USP53: variants seen among roughly 807,000 people sequenced by gnomAD.
USP53 encodes the protein ubiquitin carboxyl-terminal hydrolase 53.
In USP53, 71 loss-of-function variants were observed where a neutral mutation model predicts 94.9. The ratio of observed to expected loss-of-function variants is 0.75; its 90% CI spans 0.62 to 0.91. The LOEUF is 0.91. Among genes scored for constraint, USP53 ranks in the 40% least tolerant of loss-of-function variants. USP53 has a pLI of 0.00. For missense variants in USP53, 1,173 were observed against 1,281.0 expected, an observed-to-expected ratio of 0.92 and a Z score of 1.29; for synonymous variants, 375 against 422.7, an observed-to-expected ratio of 0.89 and a Z score of 1.39.
At chr4:119,288,184 T>C (rs1159720005) in intron 17 of USP53, among the ~76,000 whole-genome samples, 1 of 152,224 alleles carries the variant, frequency 6.6e-6, no homozygotes, top group African/African-American at 2.4e-5. Context: ...AACTGAAACT[T>C]TCAAAATATT....
At chr4:119,240,628 T>C (rs1009843195) in intron 5 of USP53, among the ~76,000 whole-genome samples, 2 of 152,188 alleles carry the variant, frequency 1.3e-5, no homozygotes, top group African/African-American at 4.8e-5. Flanking sequence ...TCATATATAA[T>C]GATTCACTTT....
intron 4 of USP53, among the ~76,000 whole-genome samples, 195 bp from the exon 5 acceptor site, chr4:119,239,023 A>G (rs1747172438): frequency 6.6e-6 from 1 of 152,156 alleles, no homozygotes; most frequent in Non-Finnish European, 1.5e-5. Flanking sequence ...TAAGGTAGGT[A>G]GGGATTGATG....
At chr4:119,265,795 A>G (rs1237696882) in intron 12 of USP53, among the ~76,000 whole-genome samples, 1 of 152,188 alleles carries the variant, frequency 6.6e-6, no homozygotes, top group African/African-American at 2.4e-5. Context: ...ATTGTTCTTA[A>G]AAGTCCCCTT....
At chr4:119,259,077 T>A (rs1199803675) in intron 9 of USP53, among the ~76,000 whole-genome samples, 1 of 152,006 alleles carries the variant, frequency 6.6e-6, no homozygotes, top group Non-Finnish European at 1.5e-5. Flanking sequence ...GGTCAGGAGT[T>A]CAAGACCAGC....
At chr4:119,243,145 C>T (rs1389736954) in intron 5 of USP53, among the ~76,000 whole-genome samples, 1 of 152,134 alleles carries the variant, frequency 6.6e-6, no homozygotes, top group East Asian at 1.9e-4. Context: ...CTAATTAGTT[C>T]AATAACTATC....
At chr4:119,213,889 CA>C (rs893063684) in intron 1 of USP53, among the ~76,000 whole-genome samples, 180 bp from the exon 2 acceptor site, 1 of 110,422 alleles carries the variant, frequency 9.1e-6, no homozygotes, top group Non-Finnish European at 1.8e-5. Context: ...AACAAACAAA[CA>C]AAAAAACGCA....
At position 119,293,758 on chromosome 4, in the gene USP53, A is replaced by T. The variant is rs990922966; in HGVS notation, c.*547A>T. The T allele has an allele frequency of 6.6e-6, 1 of 152,208 alleles. No homozygotes were observed. The highest frequency in any genetic ancestry group is 1.5e-5 in the Non-Finnish European group (1 of 68,042). The allele number at this position is 152,208 out of a possible 1,614,324, so 9.4% of individuals were successfully genotyped here. On this transcript the variant is annotated 3_prime_UTR_variant, in exon 19 of 19. Transcript: ENST00000692078. ...AAGAAGCACTTTCTAATGGGTAACC[A>T]GAAAAGGGCTTCACCCATTTGTTTT...
intron 7 of USP53, 47 bp from the exon 8 acceptor site, chr4:119,256,199 T>C: frequency 7.1e-7 from 1 of 1,415,194 alleles, no homozygotes; most frequent in South Asian, 1.3e-5. Context: ...TTTGCTGTGT[T>C]CCCTGCAAGA....
chr4:119,269,708 G>T lies in USP53; in HGVS notation c.1306G>T (p.Asp436Tyr). Reference sequence around the variant, plus strand: ...TTTTACAGCTAAGTTAAGTCACATTGATCAAAGGGAAAAGATAAAAGACAT... The same window carrying T: ...TTTTACAGCTAAGTTAAGTCACATTTATCAAAGGGAAAAGATAAAAGACAT... Reference protein sequence around the residue: ...GKGPAKLSHIDQREKIKDISR... With the variant: ...GKGPAKLSHIYQREKIKDISR... The change falls in exon 15 of 19, where the codon GAT becomes TAT. Residue 436 changes from aspartate (D) to tyrosine (Y), a missense_variant. Physicochemically the swap from Asp to Tyr is radical, Grantham distance 160. Coordinates refer to ENST00000692078, the MANE Select transcript of USP53 (RefSeq NM_001371395.1). The T allele has an allele frequency of 1.4e-6, 2 of 1,474,766 alleles. No homozygotes were observed. Among genetic ancestry groups the T allele is most frequent in the South Asian group, 1.5e-5 (1 of 65,594 alleles). The allele number at this position is 1,474,766 out of a possible 1,614,324, so 91.4% of individuals were successfully genotyped here.
chr4:119,270,621 TCTTTA>T (rs1201026660), intron 15 of USP53, among the ~76,000 whole-genome samples: 1 of 152,186 alleles, frequency 6.6e-6, no homozygotes, highest in East Asian at 1.9e-4. Context: ...ACCTTCCCCC[TCTTTA>T]CTTAGTATTT....
chr4:119,252,586 T>C (rs1749174263), intron 7 of USP53, among the ~76,000 whole-genome samples: 1 of 152,314 alleles, frequency 6.6e-6, no homozygotes, highest in East Asian at 1.9e-4. Flanking sequence ...GATATCCCTT[T>C]ATGATTTTTT....
chr4:119,221,941 C>G (rs555966016), intron 3 of USP53, among the ~76,000 whole-genome samples: 19 of 152,226 alleles, frequency 1.2e-4, no homozygotes, highest in African/African-American at 4.6e-4. Flanking sequence ...TACAATAGCA[C>G]CTTGTGCTTC....
chr4:119,286,528 T>G (rs1754136980), intron 17 of USP53, among the ~76,000 whole-genome samples: 1 of 152,000 alleles, frequency 6.6e-6, no homozygotes, highest in Non-Finnish European at 1.5e-5. Flanking sequence ...ACCACTTGGT[T>G]GAATGCCTGC....
chr4:119,285,545 A>T (rs1754005954), intron 17 of USP53, among the ~76,000 whole-genome samples: 1 of 151,844 alleles, frequency 6.6e-6, no homozygotes, highest in Non-Finnish European at 1.5e-5. Context: ...AAATCTGTTA[A>T]GTCCCTTATT....
intron 4 of USP53, among the ~76,000 whole-genome samples, chr4:119,235,923 C>G (rs1746683179): frequency 1.3e-5 from 2 of 152,294 alleles, no homozygotes; most frequent in South Asian, 4.1e-4. Flanking sequence ...TTTGTTACTA[C>G]TTATCATGTA....
intron 12 of USP53, among the ~76,000 whole-genome samples, chr4:119,264,147 CCAAGACT>C (rs1750837434): frequency 1.3e-5 from 2 of 152,014 alleles, no homozygotes. Context: ...AATTCAATAC[CCAAGACT>C]ACAAAGTTCA....
At chr4:119,282,734 A>T (rs1303520773) in intron 17 of USP53, among the ~76,000 whole-genome samples, 9 of 151,958 alleles carry the variant, frequency 5.9e-5, no homozygotes, top group Non-Finnish European at 1.2e-4. Flanking sequence ...TTCCCAAATT[A>T]AAAACTTGCT....
chr4:119,291,141 T>C, intron 17 of USP53, 24 bp from the exon 18 acceptor site: 1 of 1,000,846 alleles, frequency 1.0e-6, no homozygotes, highest in South Asian at 1.8e-5. Context: ...CCTCATCTCT[T>C]CTCCCCACCC....
intron 17 of USP53, among the ~76,000 whole-genome samples, chr4:119,279,378 C>T (rs1448922068): frequency 1.5e-4 from 22 of 149,962 alleles, no homozygotes; most frequent in African/African-American, 5.4e-4. Flanking sequence ...TGTCAGTGTG[C>T]CCCTGCTGGG....
Sources: gnomAD v4.1 joint callset for allele counts (sites outside exome capture counted in the v4.1 genomes callset) on GRCh38, gnomAD v4.1.1 for gene constraint, MANE v1.5 for transcripts, NCBI Gene and HGNC (gene_info 2026-07-23, HGNC 2026-07-21) for gene names.